The following GSAP variants were observed in gnomAD, a reference collection of about 807,000 sequenced individuals.
GSAP encodes gamma-secretase activating protein, also known as gamma-secretase-activating protein.
Under a neutral mutation model 131.7 loss-of-function variants are expected in GSAP, and 118 were observed. The ratio of observed to expected loss-of-function variants is 0.90; its 90% CI spans 0.77 to 1.04. The LOEUF (loss-of-function observed/expected upper bound fraction) is 1.04, where lower values mean the gene tolerates loss of function less well. GSAP is among the 50% of genes least tolerant of loss of function. GSAP has a pLI of 0.00. For missense variants in GSAP, 1,019 were observed against 1,013.2 expected, an observed-to-expected ratio of 1.01 and a Z score of -0.08; for synonymous variants, 381 against 363.4, an observed-to-expected ratio of 1.05 and a Z score of -0.55.
chr7:77,382,449 G>C (rs993483924), intron 7 of GSAP, 125 bp downstream of exon 7: 7 of 583,810 alleles, frequency 1.2e-5, no homozygotes, highest in Middle Eastern at 2.7e-4. Flanking sequence ...GTCTCATATG[G>C]ACATCAAAGC....
chr7:77,323,138 C>G (rs887121518), intron 24 of GSAP, among the ~76,000 whole-genome samples: 3 of 152,208 alleles, frequency 2.0e-5, no homozygotes, highest in Admixed American at 1.3e-4. Context: ...TTTACACATA[C>G]AGTGGTGTTA....
intron 19 of GSAP, among the ~76,000 whole-genome samples, chr7:77,340,804 C>T (rs1053010942): frequency 3.3e-5 from 5 of 152,034 alleles, no homozygotes; most frequent in Admixed American, 6.6e-5. Context: ...AAGTCAATTG[C>T]GGGGATGCCT....
At chr7:77,348,023 G>A (rs1400387815) in intron 19 of GSAP, among the ~76,000 whole-genome samples, 1 of 151,618 alleles carries the variant, frequency 6.6e-6, no homozygotes, top group African/African-American at 2.4e-5. Flanking sequence ...TAAGAAACTG[G>A]ATGGGTATGG....
chr7:77,386,241 A>T (rs1200156273), intron 6 of GSAP, among the ~76,000 whole-genome samples: 1 of 152,262 alleles, frequency 6.6e-6, no homozygotes, highest in Non-Finnish European at 1.5e-5. Context: ...AGCAAAACAC[A>T]AAAGAACACT....
intron 6 of GSAP, among the ~76,000 whole-genome samples, chr7:77,386,359 T>C (rs1036614360): frequency 3.3e-5 from 5 of 152,204 alleles, no homozygotes; most frequent in Non-Finnish European, 5.9e-5. Flanking sequence ...TTTGGGACTG[T>C]AGACTTTTGA....
At chr7:77,400,677 C>T (rs1278755297) in intron 3 of GSAP, among the ~76,000 whole-genome samples, 1 of 152,056 alleles carries the variant, frequency 6.6e-6, no homozygotes, top group Non-Finnish European at 1.5e-5. Flanking sequence ...ATGCAGTACT[C>T]GAAATGTCTA....
chr7:77,407,085 A>G (rs1478602394), intron 1 of GSAP, among the ~76,000 whole-genome samples: 1 of 152,202 alleles, frequency 6.6e-6, no homozygotes, highest in Non-Finnish European at 1.5e-5. Flanking sequence ...CCACACACCA[A>G]GTCGGATTTG....
At chr7:77,321,460 A>G (rs1787635122) in intron 24 of GSAP, 57 bp from the exon 25 acceptor site, 1 of 1,086,550 alleles carries the variant, frequency 9.2e-7, no homozygotes, top group South Asian at 1.3e-5. Flanking sequence ...CAAGGGCCCC[A>G]CAGCTAGGCC....
At chr7:77,330,983 A>G (rs1789058246) in intron 19 of GSAP, 4 of 429,146 alleles carry the variant, frequency 9.3e-6, no homozygotes, top group Non-Finnish European at 1.2e-5. Flanking sequence ...TGTATCCATT[A>G]TATTCATTTT....
intron 19 of GSAP, among the ~76,000 whole-genome samples, chr7:77,342,783 T>A (rs1193811406): frequency 1.3e-5 from 2 of 152,184 alleles, no homozygotes; most frequent in Admixed American, 1.3e-4. Context: ...ACAATTCCCC[T>A]ATTTTACCTG....
chr7:77,355,995 T>C (rs79488941), intron 14 of GSAP, among the ~76,000 whole-genome samples: 2 of 147,998 alleles, frequency 1.4e-5, no homozygotes, highest in East Asian at 3.9e-4. Context: ...TCTCACCATG[T>C]TGCCCAGGCT....
chr7:77,352,942 A>G lies in GSAP; in HGVS notation c.1491+2T>C. On this transcript the variant is annotated splice_donor_variant, in intron 18 of 30. Coordinates refer to ENST00000257626, the MANE Select transcript of GSAP (RefSeq NM_017439.4). LOFTEE classifies it high-confidence loss of function. ...CATACAGCATACACAGTGTTAACTT[A>G]CTGTATTCCAAGTGAGCACTGAGGA... 6.5e-7 allele frequency: 1 copy of G among 1,540,946 alleles called. No homozygotes were observed. The highest frequency in any genetic ancestry group is 9.0e-7 in the Non-Finnish European group (1 of 1,113,406).
chr7:77,377,237 TAAAAAAAAAA>T, intron 9 of GSAP, 39 bp downstream of exon 9: 4 of 891,784 alleles, frequency 4.5e-6, no homozygotes, highest in South Asian at 7.0e-5. Flanking sequence ...AATATTTTTG[TAAAAAAAAAA>T]AAAAAAAAAA....
At chr7:77,334,579 TTAAAAA>T (rs1375826989) in intron 19 of GSAP, among the ~76,000 whole-genome samples, 12 of 82,386 alleles carry the variant, frequency 1.5e-4, no homozygotes, top group Non-Finnish European at 2.6e-4. Flanking sequence ...AACTTAAAAT[TTAAAAA>T]AAAAAAAAAA....
chr7:77,371,949 C>A (rs1201186601), intron 12 of GSAP, among the ~76,000 whole-genome samples: 1 of 152,192 alleles, frequency 6.6e-6, no homozygotes, highest in Non-Finnish European at 1.5e-5. Context: ...GGGAGACATA[C>A]AGTAGTTACC....
intron 14 of GSAP, among the ~76,000 whole-genome samples, chr7:77,359,704 C>T (rs557177441): frequency 5.9e-4 from 90 of 152,290 alleles, no homozygotes; most frequent in Non-Finnish European, 6.2e-4. Flanking sequence ...TCTCCACACG[C>T]TAAAGACCAC....
At chr7:77,408,790 G>A (rs182063754) in intron 1 of GSAP, among the ~76,000 whole-genome samples, 8 of 150,382 alleles carry the variant, frequency 5.3e-5, no homozygotes, top group Non-Finnish European at 8.9e-5. Flanking sequence ...CATTGATTAT[G>A]ACAAATTCTA....
chr7:77,358,254 A>G (rs1380827388), intron 14 of GSAP, among the ~76,000 whole-genome samples: 1 of 152,232 alleles, frequency 6.6e-6, no homozygotes, highest in African/African-American at 2.4e-5. Context: ...AGGTGGGAGG[A>G]TAGTTTGAGC....
chr7:77,323,713 CA>C lies in GSAP; in HGVS notation c.1856del (p.Leu619Ter). ...LMVSELKDHFLRHLQGVEKKK... is the reference protein window; with the variant it reads ...LMVSELKDHFXRHLQGVEKKK... ...TCTTTTCTACACCCTGTAGGTGTCT[CA>C]AAAAATGGTCTTTTAGCTCAGACAC... On this transcript the variant is annotated frameshift_variant, in exon 24 of 31. Coordinates refer to ENST00000257626, the MANE Select transcript of GSAP (RefSeq NM_017439.4). LOFTEE classifies it high-confidence loss of function. 3.1e-6 allele frequency: 5 copies of C among 1,599,638 alleles called. No individual in the cohort carries two copies. Among genetic ancestry groups the C allele is most frequent in the Non-Finnish European group, 4.3e-6 (5 of 1,169,144 alleles).
Sources: gnomAD v4.1 joint callset for allele counts (sites outside exome capture counted in the v4.1 genomes callset) on GRCh38, gnomAD v4.1.1 for gene constraint, MANE v1.5 for transcripts, NCBI Gene and HGNC (gene_info 2026-07-23, HGNC 2026-07-21) for gene names.